ADAMTSL1: variants seen among roughly 807,000 people sequenced by gnomAD.
The protein encoded by ADAMTSL1 is ADAMTS like 1.
ADAMTSL1 carries 126 observed loss-of-function variants against 201.8 expected under a neutral mutation model. The observed-to-expected ratio is 0.62, with a 90% CI of 0.54 to 0.72. The LOEUF is 0.72. ADAMTSL1 is among the 30% of genes least tolerant of loss of function. The probability of loss-of-function intolerance (pLI) is 0.00; values close to 1 mark genes in which losing one functional copy is unlikely to be tolerated. For synonymous variants in ADAMTSL1, 1,121 were observed against 903.4 expected, an observed-to-expected ratio of 1.24 and a Z score of -4.32; for missense variants, 2,679 against 2,277.8, an observed-to-expected ratio of 1.18 and a Z score of -3.59.
At chr9:18,125,227 G>C (rs532056568) in intron 1 of ADAMTSL1, among the ~76,000 whole-genome samples, 64 of 152,086 alleles carry the variant, frequency 4.2e-4, no homozygotes, top group Non-Finnish European at 6.6e-4. Context: ...TGGCAGCAGG[G>C]AAAGAGAGAG....
At chr9:18,174,728 A>T (rs969340703) in intron 2 of ADAMTSL1, among the ~76,000 whole-genome samples, 23 of 152,270 alleles carry the variant, frequency 1.5e-4, no homozygotes, top group Middle Eastern at 3.4e-3. Flanking sequence ...ACATTATTTA[A>T]AGAATAATAT....
At chr9:18,190,151 G>A (rs1368072092) in intron 2 of ADAMTSL1, among the ~76,000 whole-genome samples, 2 of 152,188 alleles carry the variant, frequency 1.3e-5, no homozygotes, top group South Asian at 2.1e-4. Context: ...GGAATGAAGT[G>A]TAGCATAGTC....
At chr9:17,944,501 C>T (rs1827374770) in intron 1 of ADAMTSL1, among the ~76,000 whole-genome samples, 2 of 151,892 alleles carry the variant, frequency 1.3e-5, no homozygotes, top group African/African-American at 2.4e-5. Flanking sequence ...GAGCCCGCAT[C>T]ATCAAGTCAA....
chr9:18,410,321 A>T (rs1394880662), intron 2 of ADAMTSL1, among the ~76,000 whole-genome samples: 1 of 152,056 alleles, frequency 6.6e-6, no homozygotes, highest in Non-Finnish European at 1.5e-5. Context: ...CTAGTTATTA[A>T]GCATCCATTA....
At chr9:18,479,037 T>C (rs1008907255) in intron 1 of ADAMTSL1, among the ~76,000 whole-genome samples, 8 of 152,284 alleles carry the variant, frequency 5.3e-5, no homozygotes, top group Non-Finnish European at 8.8e-5. Context: ...AGGATCCTAA[T>C]TGAAATAGGC....
chr9:18,825,821 T>G (rs1824518219), intron 21 of ADAMTSL1, among the ~76,000 whole-genome samples: 1 of 152,200 alleles, frequency 6.6e-6, no homozygotes, highest in Non-Finnish European at 1.5e-5. Context: ...TGTACTCTTG[T>G]GTCTGCCATC....
Position 18,334,604 on chromosome 9 carries a change from T to G in ADAMTSL1, c.208-170225T>G, listed in dbSNP as rs1037949079. ...TTGATTTTTCAACACTGGACATACT[T>G]ACAAATCATCTTCTATATAAACCAA... On this transcript the variant is annotated intron_variant, in intron 2 of 29. Transcript: ENST00000680146. Among the ~76,000 whole-genome samples the G allele has an allele frequency of 4.9e-4, 74 of 152,312 alleles. 1 individual carries two copies. The highest frequency in any genetic ancestry group is 1.0e-3 in the Non-Finnish European group (71 of 68,022).
chr9:18,245,522 A>G (rs776002380), intron 2 of ADAMTSL1, among the ~76,000 whole-genome samples: 22 of 152,078 alleles, frequency 1.4e-4, no homozygotes, highest in Non-Finnish European at 3.1e-4. Context: ...CAAAAACTGG[A>G]GTTGAAAATT....
intron 14 of ADAMTSL1, among the ~76,000 whole-genome samples, chr9:18,716,649 A>T (rs200846997): frequency 0.51 from 67,753 of 132,952 alleles, 17,384 homozygotes; most frequent in East Asian, 0.61. Context: ...GGGACTGTAA[A>T]CTAGTTCAAC....
chr9:18,432,519 A>G (rs1819539952), intron 2 of ADAMTSL1, among the ~76,000 whole-genome samples: 1 of 152,210 alleles, frequency 6.6e-6, no homozygotes, highest in Non-Finnish European at 1.5e-5. Context: ...TCTGAATCTT[A>G]TGTAGCTTAC....
chr9:18,608,428 AAG>A (rs1307246982), intron 4 of ADAMTSL1, among the ~76,000 whole-genome samples: 1 of 152,190 alleles, frequency 6.6e-6, no homozygotes, highest in African/African-American at 2.4e-5. Context: ...AGGAAAGAAA[AAG>A]AATTCATTTC....
chr9:18,076,831 T>G (rs895708826), intron 1 of ADAMTSL1, among the ~76,000 whole-genome samples: 1 of 151,758 alleles, frequency 6.6e-6, no homozygotes, highest in African/African-American at 2.4e-5. Flanking sequence ...ACGTGTGGAG[T>G]GTGGCTTGGC....
At chr9:18,574,941 C>T (rs1822613874) in intron 4 of ADAMTSL1, among the ~76,000 whole-genome samples, 1 of 152,092 alleles carries the variant, frequency 6.6e-6, no homozygotes, top group African/African-American at 2.4e-5. Context: ...TTCAGGTCCA[C>T]TTTTTGGATT....
At position 18,275,965 on chromosome 9, in the gene ADAMTSL1, C is replaced by G. The variant is rs118085476; in HGVS notation, c.207+111984C>G. Among the ~76,000 whole-genome samples, 725 of 152,174 alleles carry G rather than the reference C, an allele frequency of 4.8e-3. 1 individual carries two copies. The highest frequency in any genetic ancestry group is 7.2e-3 in the Non-Finnish European group (489 of 68,004). On this transcript the variant is annotated intron_variant, in intron 2 of 29. Transcript: ENST00000680146. ...CTCTTTTCAAAAGTGGATGTGCCATCTTGCATTTCCACCAGCAATATATGA... is the reference window on the plus strand; with the variant it reads ...CTCTTTTCAAAAGTGGATGTGCCATGTTGCATTTCCACCAGCAATATATGA...
At chr9:18,406,067 C>T (rs1818179440) in intron 2 of ADAMTSL1, among the ~76,000 whole-genome samples, 1 of 152,178 alleles carries the variant, frequency 6.6e-6, no homozygotes, top group Admixed American at 6.5e-5. Flanking sequence ...GCAAGACTTG[C>T]AAGTTGAATG....
intron 2 of ADAMTSL1, among the ~76,000 whole-genome samples, chr9:18,267,760 A>G (rs566206706): frequency 1.9e-5 from 2 of 104,844 alleles, no homozygotes; most frequent in East Asian, 2.4e-4. Context: ...CTCAAAGGCT[A>G]TTAAAAAAAA....
chr9:18,436,327 C>T (rs547673263), intron 2 of ADAMTSL1, among the ~76,000 whole-genome samples: 1 of 152,302 alleles, frequency 6.6e-6, no homozygotes, highest in African/African-American at 2.4e-5. Flanking sequence ...CAGAGAAAGG[C>T]ATGGCTCTGG....
At chr9:18,559,631 T>C (rs1821343531) in intron 3 of ADAMTSL1, among the ~76,000 whole-genome samples, 1 of 152,256 alleles carries the variant, frequency 6.6e-6, no homozygotes, top group Admixed American at 6.5e-5. Context: ...TGATTCTTCC[T>C]ACCCATTAGC....
At chr9:18,836,497 G>A (rs1825316131) in intron 23 of ADAMTSL1, among the ~76,000 whole-genome samples, 1 of 151,962 alleles carries the variant, frequency 6.6e-6, no homozygotes, top group Admixed American at 6.6e-5. Flanking sequence ...TTTGGTTACT[G>A]TAGCCCTGTA....
Sources: gnomAD v4.1 joint callset for allele counts (sites outside exome capture counted in the v4.1 genomes callset) on GRCh38, gnomAD v4.1.1 for gene constraint, MANE v1.5 for transcripts, NCBI Gene and HGNC (gene_info 2026-07-23, HGNC 2026-07-21) for gene names.